The following DDHD1 variants were observed in gnomAD, a reference collection of about 807,000 sequenced individuals.
The protein encoded by DDHD1 is phospholipase DDHD1.
In DDHD1, 49 loss-of-function variants were observed where a neutral mutation model predicts 96.4. The observed-to-expected ratio is 0.51, with a 90% CI of 0.40 to 0.64. DDHD1 has a LOEUF of 0.64. DDHD1 is among the 30% of genes least tolerant of loss of function. The pLI is 0.00. For synonymous variants in DDHD1, 442 were observed against 446.5 expected (o/e 0.99, Z 0.13); for missense variants, 1,106 against 1,161.2 (o/e 0.95, Z 0.69).
intron 1 of DDHD1, among the ~76,000 whole-genome samples, chr14:53,119,910 C>G (rs941698906): frequency 1.3e-5 from 2 of 152,228 alleles, no homozygotes; most frequent in African/African-American, 4.8e-5. Flanking sequence ...AGGATGTCCT[C>G]TCTCACTACT....
chr14:53,146,626 T>C (rs1891002842), intron 1 of DDHD1, among the ~76,000 whole-genome samples: 1 of 152,262 alleles, frequency 6.6e-6, no homozygotes, highest in Admixed American at 6.5e-5. Context: ...TCTTCAGTTC[T>C]CTGGTACAGG....
chr14:53,081,506 G>C (rs1162995527), intron 4 of DDHD1, among the ~76,000 whole-genome samples: 1 of 152,166 alleles, frequency 6.6e-6, no homozygotes, highest in African/African-American at 2.4e-5. Flanking sequence ...TTTGTACTTC[G>C]AGGGACACTT....
chr14:53,139,794 T>C (rs1370691128), intron 1 of DDHD1, among the ~76,000 whole-genome samples: 2 of 117,118 alleles, frequency 1.7e-5, no homozygotes, highest in African/African-American at 6.7e-5. Context: ...AATTAAATTA[T>C]AAGACATACA....
chr14:53,075,964 T>C (rs1245219575), intron 4 of DDHD1, among the ~76,000 whole-genome samples: 1 of 152,112 alleles, frequency 6.6e-6, no homozygotes, highest in Admixed American at 6.6e-5. Context: ...TTTCAAATGG[T>C]TACTGCCCGC....
At chr14:53,113,014 C>T (rs1050710243) in intron 1 of DDHD1, among the ~76,000 whole-genome samples, 60 of 152,086 alleles carry the variant, frequency 3.9e-4, no homozygotes, top group African/African-American at 1.4e-3. Flanking sequence ...GGCTGGAGTG[C>T]AGTGGCGTGA....
chr14:53,152,965 G>A lies in DDHD1; in HGVS notation c.134C>T (p.Pro45Leu). The A allele has an allele frequency of 6.3e-7, 1 of 1,584,620 alleles. No homozygotes were observed. ...GGGVCCFEHL[P>L]GGDPDDGDVP... ...GTCGCCGTCGTCCGGGTCCCCGCCG[G>A]GCAGGTGCTCGAAGCAGCAGACGCC... is the stretch of plus-strand genomic sequence containing the variant. Residue 45 changes from proline (P) to leucine (L), a missense_variant, in exon 1 of 13, where the codon CCC (proline) becomes CTC (leucine). By Grantham distance (98) the Pro-to-Leu change is moderately conservative (BLOSUM62 -3). Transcript: ENST00000673822.
At chr14:53,132,732 G>A (rs967579715) in intron 1 of DDHD1, among the ~76,000 whole-genome samples, 5 of 151,960 alleles carry the variant, frequency 3.3e-5, no homozygotes, top group African/African-American at 9.7e-5. Flanking sequence ...TCTCAAGGCC[G>A]CTTTACTTCC....
chr14:53,070,651 G>A (rs1884435240), intron 6 of DDHD1, among the ~76,000 whole-genome samples: 1 of 152,040 alleles, frequency 6.6e-6, no homozygotes, highest in South Asian at 2.1e-4. Context: ...CATTTTACTA[G>A]CTTATAAAAA....
At chr14:53,137,283 C>T (rs989117986) in intron 1 of DDHD1, among the ~76,000 whole-genome samples, 2 of 151,942 alleles carry the variant, frequency 1.3e-5, no homozygotes. Flanking sequence ...AAGTGAAATA[C>T]AAAGAAAAAA....
At chr14:53,120,848 A>G (rs1356754570) in intron 1 of DDHD1, among the ~76,000 whole-genome samples, 1 of 152,234 alleles carries the variant, frequency 6.6e-6, no homozygotes, top group East Asian at 1.9e-4. Flanking sequence ...TAAAAACCCT[A>G]GAAGAAAACC....
At chr14:53,113,390 C>CAAAAAA (rs60704615) in intron 1 of DDHD1, among the ~76,000 whole-genome samples, 16 of 118,244 alleles carry the variant, frequency 1.4e-4, no homozygotes, top group African/African-American at 3.9e-4. Context: ...CTGTACAAGC[C>CAAAAAA]AAAAAAAAAA....
chr14:53,116,304 T>TA (rs1888539193), intron 1 of DDHD1, among the ~76,000 whole-genome samples: 2 of 152,138 alleles, frequency 1.3e-5, no homozygotes, highest in South Asian at 4.1e-4. Context: ...CTGTCAATAT[T>TA]AGACGGATCA....
rs1055021522 is a variant in DDHD1 at position 53,043,825 on chromosome 14, C to T, written c.*2943G>A. 6.6e-6 allele frequency: 1 copy of T among 152,064 alleles called. No homozygotes were observed. The highest frequency in any genetic ancestry group is 1.5e-5 in the Non-Finnish European group (1 of 68,000). 9.4% of individuals were successfully genotyped at this position (152,064 alleles called of 1,614,324 possible). A position where few individuals can be genotyped will look rare whatever the true frequency, so the allele number is the denominator to read the frequency against. On this transcript the variant is annotated 3_prime_UTR_variant, in exon 13 of 13. Coordinates refer to ENST00000673822, the MANE Select transcript of DDHD1 (RefSeq NM_001160148.2). The stretch of plus-strand genomic sequence containing the variant: ...AAGAAAGTATGAACTAACATAAGGC[C>T]TTAGCAAGACTAATTTTAAAGTAAA...
intron 1 of DDHD1, among the ~76,000 whole-genome samples, chr14:53,114,890 G>A (rs143499761): frequency 3.3e-4 from 50 of 152,320 alleles, no homozygotes; most frequent in African/African-American, 1.2e-3. Context: ...CGAATTGACA[G>A]AAGTAGGCTT....
intron 6 of DDHD1, 51 bp from the exon 7 acceptor site, chr14:53,063,256 T>C (rs1459836981): frequency 6.4e-7 from 1 of 1,562,304 alleles, no homozygotes; most frequent in African/African-American, 1.4e-5. Context: ...CTGACTACTA[T>C]ACACTTATTC....
At chr14:53,062,713 G>A (rs1232564493) in intron 7 of DDHD1, among the ~76,000 whole-genome samples, 1 of 152,000 alleles carries the variant, frequency 6.6e-6, no homozygotes, top group African/African-American at 2.4e-5. Flanking sequence ...AAGAAACGAT[G>A]AAAGGAAAAC....
At chr14:53,152,115 TCC>T in intron 1 of DDHD1, 144 bp downstream of exon 1, 52 of 789,606 alleles carry the variant, frequency 6.6e-5, no homozygotes, top group Middle Eastern at 3.3e-4. Flanking sequence ...CTGCCGACGC[TCC>T]CTGCTCAATC....
In DDHD1 at chr14:53,152,458, T is replaced by G; in HGVS notation, c.641A>C (p.His214Pro). The change falls in exon 1 of 13, where the codon CAT (histidine) becomes CCT (proline). Residue 214 changes from histidine to proline, a missense_variant. By Grantham distance (77) the His-to-Pro change is moderately conservative. Transcript: ENST00000673822. ...RPQGGDRDGD[H>P]VCSPTGPASS... ...GGCTGGGCCCGTGGGGGAGCACACA[T>G]GGTCGCCGTCCCGGTCCCCGCCCTG... 6.2e-7 allele frequency: 1 copy of G among 1,613,230 alleles called. No individual in the cohort carries two copies. Among genetic ancestry groups the G allele is most frequent in the Non-Finnish European group, 8.5e-7 (1 of 1,179,770 alleles).
intron 4 of DDHD1, among the ~76,000 whole-genome samples, chr14:53,076,573 C>G (rs189330293): frequency 2.6e-4 from 39 of 152,282 alleles, no homozygotes; most frequent in African/African-American, 8.4e-4. Context: ...CAGGGTTTGA[C>G]AGGATTGATT....
Sources: allele counts gnomAD v4.1 joint callset (sites outside exome capture counted in the v4.1 genomes callset), GRCh38; gene constraint gnomAD v4.1.1; transcripts MANE v1.5; gene names NCBI Gene and HGNC (gene_info 2026-07-23, HGNC 2026-07-21).